Variants in MYO5A observed in about 807,000 individuals in gnomAD.
The protein encoded by MYO5A is myosin VA, also known as unconventional myosin-Va.
A neutral mutation model predicts 249.7 loss-of-function variants in MYO5A; 98 were observed. That is an observed-to-expected ratio of 0.39 (90% CI 0.33 to 0.46). The LOEUF (loss-of-function observed/expected upper bound fraction) is 0.46. MYO5A is among the 20% of genes least tolerant of loss of function. The pLI is 0.98. For synonymous variants in MYO5A, 778 were observed against 810.6 expected (o/e 0.96, Z 0.68); for missense variants, 1,696 against 2,308.8 (o/e 0.73, Z 5.44).
Position 52,313,743 on chromosome 15 carries a change from T to C in MYO5A, c.5596A>G (p.Ile1866Val). ...FNPSSLALET[I>V]QIPASLGLGF... is the part of the protein sequence containing the mutation. ...AGGCCGAGGCTGGCTGGAATCTGGA[T>C]GGTTTCTAGTGCGAGGGAAGATGGG... is the stretch of plus-strand genomic sequence containing the variant. Residue 1866 changes from isoleucine to valine, a missense_variant, in exon 42 of 42, where the codon ATC becomes GTC. Transcript: ENST00000399233. 1.2e-6 allele frequency: 2 copies of C among 1,614,152 alleles called. No homozygotes were observed. The highest frequency in any genetic ancestry group is 1.7e-6 in the Non-Finnish European group (2 of 1,180,020).
At chr15:52,377,860 C>T (rs2041506055) in intron 18 of MYO5A, among the ~76,000 whole-genome samples, 2 of 152,094 alleles carry the variant, frequency 1.3e-5, no homozygotes, top group Admixed American at 1.3e-4. Context: ...CGTGAGCCAC[C>T]ATGCTTGGCC....
At chr15:52,384,828 C>A (rs2141139588) in intron 14 of MYO5A, among the ~76,000 whole-genome samples, 1 of 152,238 alleles carries the variant, frequency 6.6e-6, no homozygotes, top group South Asian at 2.1e-4. Context: ...CACCGAAAAT[C>A]TCAGCAGGAA....
At chr15:52,413,147 C>CAAA (rs767059579) in intron 5 of MYO5A, among the ~76,000 whole-genome samples, 17 of 66,130 alleles carry the variant, frequency 2.6e-4, no homozygotes, top group Non-Finnish European at 4.4e-4. Context: ...AACTCTGTCT[C>CAAA]AAAAAAAAAA....
rs2037822717 is a variant in MYO5A, at chr15:52,312,734, G to C, written c.*962C>G. 1 of 152,160 alleles carries C rather than the reference G, an allele frequency of 6.6e-6. No homozygotes were observed. The highest frequency in any genetic ancestry group is 2.1e-4 in the South Asian group (1 of 4,832). The allele number at this position is 152,160 out of a possible 1,614,324, so 9.4% of individuals were successfully genotyped here. The stretch of plus-strand genomic sequence containing the variant: ...ATATGCACTGAAGGAATCAGATCTG[G>C]TAGTTAAAAATAAGTCACTTCACAG... On this transcript the variant is annotated 3_prime_UTR_variant, in exon 42 of 42. Transcript: ENST00000399233.
Position 52,445,328 on chromosome 15 carries a change from G to A in MYO5A, c.28-12043C>T, listed in dbSNP as rs368456948. ...GTCTGCTCCTGCCTTGCTTTCCACC[G>A]TGAAAGCTCCCTGAGGCCTCCCTAG... On this transcript the variant is annotated intron_variant, in intron 1 of 41. Transcript: ENST00000399233. Among the ~76,000 whole-genome samples the A allele has an allele frequency of 1.6e-4, 24 of 152,116 alleles. No individual in the cohort carries two copies. The East Asian group carries it at 3.7e-3, about 23-fold the overall frequency.
At chr15:52,342,637 G>C (rs968382581) in intron 31 of MYO5A, among the ~76,000 whole-genome samples, 2 of 152,088 alleles carry the variant, frequency 1.3e-5, no homozygotes, top group Non-Finnish European at 2.9e-5. Flanking sequence ...TGTTTGGACC[G>C]GGTGTGGTGG....
rs768731860 is a variant in MYO5A at position 52,319,200 on chromosome 15, C to G, written c.5094G>C (p.Ser1698=). 6 of 1,614,004 alleles carry G rather than the reference C, an allele frequency of 3.7e-6. No homozygotes were observed. Among genetic ancestry groups the G allele is most frequent in the Non-Finnish European group, 4.2e-6 (5 of 1,180,040 alleles). The part of the protein sequence containing the change: ...SILRQLNSFH[S]VMCQHGMDPE... ...GGTCCATGCCATGCTGACACATGAC[C>G]GAGTGGAAGGAGTTGAGCTGCCGGA... Residue 1698 remains serine, a synonymous_variant, in exon 39 of 42, where the codon TCG becomes TCC. Coordinates refer to ENST00000399233, the MANE Select transcript of MYO5A (RefSeq NM_001382347.1).
chr15:52,521,635 T>A (rs993851173), intron 1 of MYO5A, among the ~76,000 whole-genome samples: 2 of 152,304 alleles, frequency 1.3e-5, no homozygotes, highest in Non-Finnish European at 2.9e-5. Flanking sequence ...GAACCATTAT[T>A]TTGAAATCAA....
chr15:52,435,498 CG>C (rs2075642520), intron 1 of MYO5A: 8 of 361,818 alleles, frequency 2.2e-5, no homozygotes, highest in South Asian at 1.7e-4. Context: ...AGGATGGTCT[CG>C]ATCTCCTGAC....
Position 52,391,809 on chromosome 15 carries a change from C to G in MYO5A, c.1542+121G>C. ...GTCCCTTTGGAATGAAAGCATAACC[C>G]CTACTTGTCACCACGACGGCATTCC... On this transcript the variant is annotated intron_variant, in intron 12 of 41. Transcript: ENST00000399233. 23 of 1,050,704 alleles carry G rather than the reference C, an allele frequency of 2.2e-5. No homozygotes were observed. The South Asian group carries it at 2.8e-4, about 13-fold the overall frequency. 65.1% of individuals were successfully genotyped at this position (1,050,704 alleles called of 1,614,324 possible).
intron 1 of MYO5A, among the ~76,000 whole-genome samples, chr15:52,495,044 AT>A (rs1430142101): frequency 1.3e-5 from 2 of 152,232 alleles, no homozygotes; most frequent in African/African-American, 4.8e-5. Context: ...TGATATATAT[AT>A]ATCCATATTT....
At chr15:52,500,976 C>CT (rs939978585) in intron 1 of MYO5A, among the ~76,000 whole-genome samples, 238 of 146,544 alleles carry the variant, frequency 1.6e-3, no homozygotes, top group Middle Eastern at 7.1e-3. Context: ...AATCAGAAAA[C>CT]TTTTTTTTTT....
chr15:52,523,998 C>T (rs4776053), intron 1 of MYO5A, among the ~76,000 whole-genome samples: 20,350 of 151,424 alleles, frequency 0.13, 1 homozygote, highest in Middle Eastern at 0.19. Context: ...TGGATCTATC[C>T]CAGAAAAAAT....
intron 1 of MYO5A, among the ~76,000 whole-genome samples, chr15:52,459,318 C>G (rs187417898): frequency 3.9e-5 from 6 of 151,992 alleles, no homozygotes; most frequent in Admixed American, 1.3e-4. Context: ...CGCCTTCCAC[C>G]TTCCACAGTG....
chr15:52,501,875 C>T (rs554120856), intron 1 of MYO5A, among the ~76,000 whole-genome samples: 137 of 86,196 alleles, frequency 1.6e-3, no homozygotes, highest in African/African-American at 7.1e-3. Context: ...CATACATATA[C>T]TACACACACA....
rs1300718714 is a variant in MYO5A at position 52,307,410 on chromosome 15, T to G, written c.*6286A>C. Reference sequence around the variant, plus strand: ...TAGAGCATAAATGTAATTCTGATATTGTTTTGGTTTTTATCTTAGCACTAG... The same window carrying G: ...TAGAGCATAAATGTAATTCTGATATGGTTTTGGTTTTTATCTTAGCACTAG... On this transcript the variant is annotated 3_prime_UTR_variant, in exon 42 of 42. Coordinates refer to ENST00000399233, the MANE Select transcript of MYO5A (RefSeq NM_001382347.1). 2 of 152,198 alleles carry G rather than the reference T, an allele frequency of 1.3e-5. No individual in the cohort carries two copies. Among genetic ancestry groups the G allele is most frequent in the East Asian group, 3.8e-4 (2 of 5,202 alleles). 9.4% of individuals were successfully genotyped at this position (152,198 alleles called of 1,614,324 possible).
intron 35 of MYO5A, among the ~76,000 whole-genome samples, chr15:52,329,905 A>ATTTTTTTTTTTTTTTTTTTTTTTTTTT (rs58058940): frequency 4.2e-5 from 5 of 119,748 alleles, no homozygotes; most frequent in Admixed American, 8.2e-5. Flanking sequence ...CGCCTGGGTA[A>ATTTTTTTTTTTTTTTTTTTTTTTTTTT]TTTTTTTTTT....
At chr15:52,347,366 T>C (rs946513269) in intron 29 of MYO5A, among the ~76,000 whole-genome samples, 2 of 152,180 alleles carry the variant, frequency 1.3e-5, no homozygotes, top group African/African-American at 2.4e-5. Context: ...CTGTGTAGCC[T>C]CTAAAAAACA....
chr15:52,468,921 T>C (rs758598695), intron 1 of MYO5A, among the ~76,000 whole-genome samples: 6 of 152,296 alleles, frequency 3.9e-5, no homozygotes, highest in South Asian at 2.1e-4. Context: ...CATACTTCCA[T>C]ATTTCTCATT....
Sources: allele counts gnomAD v4.1 joint callset (sites outside exome capture counted in the v4.1 genomes callset), GRCh38; gene constraint gnomAD v4.1.1; transcripts MANE v1.5; gene names NCBI Gene and HGNC (gene_info 2026-07-23, HGNC 2026-07-21).